Variants in PCDHA8 observed in about 807,000 individuals in gnomAD.
PCDHA8 encodes protocadherin alpha 8, also known as protocadherin alpha-8.
Under a neutral mutation model 61.8 loss-of-function variants are expected in PCDHA8, and 53 were observed. The ratio of observed to expected loss-of-function variants is 0.86; its 90% CI spans 0.69 to 1.08. The LOEUF (loss-of-function observed/expected upper bound fraction) is 1.08. Among genes scored for constraint, PCDHA8 ranks in the 50% least tolerant of loss-of-function variants. The pLI is 0.00. For synonymous variants in PCDHA8, 618 were observed against 556.6 expected (o/e 1.11, Z -1.55); for missense variants, 1,293 against 1,245.0 (o/e 1.04, Z -0.58).
chr5:140,993,853 A>G (rs1423193144), intron 3 of PCDHA8, among the ~76,000 whole-genome samples: 5 of 152,198 alleles, frequency 3.3e-5, no homozygotes, highest in African/African-American at 7.2e-5. Context: ...GTAGTAGGCT[A>G]TGCCATCTAG....
intron 1 of PCDHA8, among the ~76,000 whole-genome samples, chr5:140,936,452 T>C (rs1447343887): frequency 2.0e-5 from 3 of 152,216 alleles, no homozygotes; most frequent in African/African-American, 7.2e-5. Flanking sequence ...ACCACATCTG[T>C]TTAGTGGTTG....
In PCDHA8 at chr5:140,896,536, C is replaced by CTTT. The variant is rs34213614; in HGVS notation, c.2394+52831_2394+52833dup. 9.4e-4 allele frequency among the ~76,000 whole-genome samples: 137 copies of CTTT among 145,660 alleles called. 1 individual carries two copies. Among genetic ancestry groups the CTTT allele is most frequent in the East Asian group, 2.8e-3 (14 of 5,008 alleles). On this transcript the variant is annotated intron_variant, in intron 1 of 3. Coordinates refer to ENST00000531613, the MANE Select transcript of PCDHA8 (RefSeq NM_018911.3). ...CACACCACAAAGCCCAGCTATTTTT[C>CTTT]TTTTTTTTTTTTGTATTTTAAGTAG... is the stretch of plus-strand genomic sequence containing the variant.
chr5:140,882,505 G>A (rs782409687), intron 1 of PCDHA8: 13 of 1,614,168 alleles, frequency 8.1e-6, no homozygotes, highest in South Asian at 2.2e-5. Flanking sequence ...AGGTAAATCT[G>A]CAGAATGGCA....
chr5:140,883,841 C>T (rs2059844881), intron 1 of PCDHA8: 1 of 1,612,742 alleles, frequency 6.2e-7, no homozygotes, highest in Non-Finnish European at 8.5e-7. Context: ...GCCGTTGGAC[C>T]ACGAGGAGCT....
At chr5:140,963,685 C>T (rs1272143166) in intron 1 of PCDHA8, among the ~76,000 whole-genome samples, 19 of 152,220 alleles carry the variant, frequency 1.2e-4, no homozygotes, top group Middle Eastern at 3.4e-3. Flanking sequence ...TGTGTTTATC[C>T]GTGTTTGATA....
chr5:140,864,333 AGT>A (rs1554158793), intron 1 of PCDHA8: 2 of 152,182 alleles, frequency 1.3e-5, no homozygotes, highest in African/African-American at 4.8e-5. Flanking sequence ...TAATTATTTG[AGT>A]TTAAAACATG....
intron 3 of PCDHA8, among the ~76,000 whole-genome samples, chr5:141,000,417 A>ATT (rs1563652061): frequency 3.2e-4 from 25 of 77,724 alleles, no homozygotes; most frequent in African/African-American, 1.1e-3. Context: ...ATATATATAT[A>ATT]TATATTTTTT....
intron 1 of PCDHA8, chr5:140,883,569 C>A (rs781786717): frequency 1.9e-6 from 3 of 1,614,134 alleles, no homozygotes; most frequent in South Asian, 2.2e-5. Flanking sequence ...GGCTCGCCTT[C>A]GCTGTGGGCC....
intron 3 of PCDHA8, among the ~76,000 whole-genome samples, chr5:140,994,726 G>T (rs774837274): frequency 3.0e-4 from 45 of 151,958 alleles, no homozygotes; most frequent in Non-Finnish European, 3.7e-4. Flanking sequence ...TAAAATACTG[G>T]GTATTGCAGG....
At chr5:140,853,848 C>T (rs2042883759) in intron 1 of PCDHA8, 1 of 985,936 alleles carries the variant, frequency 1.0e-6, no homozygotes, top group Non-Finnish European at 1.2e-6. Context: ...AGATCCATAG[C>T]CCTATTTGAT....
chr5:140,983,399 G>C (rs1486206101), intron 3 of PCDHA8, among the ~76,000 whole-genome samples: 1 of 152,148 alleles, frequency 6.6e-6, no homozygotes, highest in East Asian at 1.9e-4. Context: ...TTTCAGAAAG[G>C]GAAGATTAAG....
At chr5:140,866,798 C>T (rs900250117) in intron 1 of PCDHA8, 1 of 152,110 alleles carries the variant, frequency 6.6e-6, no homozygotes, top group Non-Finnish European at 1.5e-5. Context: ...TAGTAAAAGT[C>T]AGGCACAAAG....
At chr5:140,909,835 C>T (rs1554193946) in intron 1 of PCDHA8, among the ~76,000 whole-genome samples, 2 of 152,068 alleles carry the variant, frequency 1.3e-5, no homozygotes, top group Non-Finnish European at 2.9e-5. Context: ...AACTGGAGGA[C>T]CACCAGGACG....
chr5:140,901,234 T>A (rs1013983503), intron 1 of PCDHA8, among the ~76,000 whole-genome samples: 4 of 152,156 alleles, frequency 2.6e-5, no homozygotes, highest in African/African-American at 9.7e-5. Context: ...ATATATCCAT[T>A]TTTTTCCTTT....
intron 1 of PCDHA8, chr5:140,929,010 G>C (rs1554206575): frequency 6.2e-7 from 1 of 1,614,128 alleles, no homozygotes; most frequent in Non-Finnish European, 8.5e-7. Flanking sequence ...TGTGTACCAA[G>C]TTGCACCAGA....
At chr5:140,857,925 A>G (rs1291686886) in intron 1 of PCDHA8, 2 of 1,597,800 alleles carry the variant, frequency 1.3e-6, no homozygotes. Context: ...GTGGGGCTGT[A>G]CACGGGCGAG....
chr5:140,996,172 C>G (rs1694773459), intron 3 of PCDHA8, among the ~76,000 whole-genome samples: 1 of 152,210 alleles, frequency 6.6e-6, no homozygotes, highest in African/African-American at 2.4e-5. Flanking sequence ...AATGTGCTGA[C>G]AGCACCTCCA....
chr5:140,967,817 G>A, intron 1 of PCDHA8: 1 of 1,614,182 alleles, frequency 6.2e-7, no homozygotes. Context: ...TCACTGCAAG[G>A]TGCTGGTGGA....
chr5:140,982,224 A>G (rs893184323), intron 2 of PCDHA8: 8 of 587,202 alleles, frequency 1.4e-5, no homozygotes, highest in South Asian at 3.8e-5. Flanking sequence ...TGGCGTTAAT[A>G]AAAAACAGAA....
Sources: allele counts gnomAD v4.1 joint callset (sites outside exome capture counted in the v4.1 genomes callset), GRCh38; gene constraint gnomAD v4.1.1; transcripts MANE v1.5; gene names NCBI Gene and HGNC (gene_info 2026-07-23, HGNC 2026-07-21).